The following NUF2 variants were observed in gnomAD, a reference collection of about 807,000 sequenced individuals.
NUF2 encodes NUF2 component of NDC80 kinetochore complex.
Under a neutral mutation model 61.8 loss-of-function variants are expected in NUF2, and 34 were observed. That is an observed-to-expected ratio of 0.55 (90% CI 0.42 to 0.73). The LOEUF (loss-of-function observed/expected upper bound fraction) is 0.73. NUF2 is among the 30% of genes least tolerant of loss of function. The probability of loss-of-function intolerance (pLI) is 0.00; values close to 1 mark genes in which losing one functional copy is unlikely to be tolerated. For synonymous variants in NUF2, 172 were observed against 181.6 expected (o/e 0.95, Z 0.42); for missense variants, 445 against 539.1 (o/e 0.83, Z 1.73).
chr1:163,338,227 T>C (rs953140077), intron 7 of NUF2, 134 bp downstream of exon 7: 3 of 471,322 alleles, frequency 6.4e-6, no homozygotes, highest in Non-Finnish European at 7.3e-6. Context: ...TATTTGAGTT[T>C]GCCTTTTCTT....
At chr1:163,327,982 G>T in intron 3 of NUF2, 1 of 403,472 alleles carries the variant, frequency 2.5e-6, no homozygotes, top group Non-Finnish European at 4.4e-6. Flanking sequence ...CAAATTATTT[G>T]CATAATACCT....
chr1:163,345,090 A>T (rs1056635007), intron 10 of NUF2, among the ~76,000 whole-genome samples: 3 of 152,166 alleles, frequency 2.0e-5, no homozygotes, highest in African/African-American at 7.2e-5. Flanking sequence ...TACGGTGCAT[A>T]TGACAGGTAG....
At chr1:163,341,842 C>A (rs1650957403) in intron 9 of NUF2, among the ~76,000 whole-genome samples, 1 of 152,058 alleles carries the variant, frequency 6.6e-6, no homozygotes, top group Admixed American at 6.5e-5. Flanking sequence ...GTTGGCCAGG[C>A]TGGTTTTGAA....
chr1:163,347,320 G>A (rs1651166490), intron 11 of NUF2, among the ~76,000 whole-genome samples: 1 of 152,212 alleles, frequency 6.6e-6, no homozygotes, highest in South Asian at 2.1e-4. Flanking sequence ...GAGATAAGTA[G>A]GGATTAGAAG....
At position 163,332,434 on chromosome 1, in the gene NUF2, A is replaced by C. The variant is rs537366728; in HGVS notation, c.337+3527A>C. ...TTGTTCACTATGGTGGCTGTAATAA[A>C]TCACCACAAACTTGGTGACTTAAGA... On this transcript the variant is annotated intron_variant, in intron 5 of 13. Coordinates refer to ENST00000271452, the MANE Select transcript of NUF2 (RefSeq NM_145697.3). Among the ~76,000 whole-genome samples, 12 of 152,294 alleles carry C rather than the reference A, an allele frequency of 7.9e-5. No individual in the cohort carries two copies. In the South Asian group the frequency reaches 1.5e-3, roughly 18 times the overall value.
At chr1:163,350,515 G>A (rs1427367614) in intron 13 of NUF2, among the ~76,000 whole-genome samples, 2 of 152,086 alleles carry the variant, frequency 1.3e-5, no homozygotes, top group African/African-American at 4.8e-5. Flanking sequence ...TGAGTTTTAT[G>A]CATATATGTC....
At chr1:163,327,617 T>C in intron 3 of NUF2, 55 bp downstream of exon 3, 1 of 1,158,242 alleles carries the variant, frequency 8.6e-7, no homozygotes, top group East Asian at 2.3e-5. Context: ...TTGTTTGTTT[T>C]GTTTTGCTGC....
chr1:163,339,631 T>TA (rs1230478109), intron 8 of NUF2, among the ~76,000 whole-genome samples, 154 bp downstream of exon 8: 1 of 152,138 alleles, frequency 6.6e-6, no homozygotes, highest in Non-Finnish European at 1.5e-5. Flanking sequence ...AATGGATACA[T>TA]ACTTCTCTCA....
intron 9 of NUF2, among the ~76,000 whole-genome samples, chr1:163,342,821 A>G (rs1220702413): frequency 6.6e-6 from 1 of 152,220 alleles, no homozygotes; most frequent in Non-Finnish European, 1.5e-5. Context: ...GCATACACAT[A>G]TAGAGGCACA....
At chr1:163,345,937 T>C (rs1651109700) in intron 11 of NUF2, 119 bp downstream of exon 11, 1 of 642,600 alleles carries the variant, frequency 1.6e-6, no homozygotes, top group Admixed American at 3.2e-5. Context: ...TTCTACAGTA[T>C]AATAGATGTG....
chr1:163,333,749 A>G (rs994239485), intron 5 of NUF2, among the ~76,000 whole-genome samples: 3 of 152,158 alleles, frequency 2.0e-5, no homozygotes, highest in Non-Finnish European at 4.4e-5. Context: ...TTTTACTTTT[A>G]CAGATATCAT....
chr1:163,351,881 G>A (rs1210088571), intron 13 of NUF2, among the ~76,000 whole-genome samples: 1 of 151,982 alleles, frequency 6.6e-6, no homozygotes, highest in Non-Finnish European at 1.5e-5. Context: ...TTCATTAAAT[G>A]TTCTTTCCCA....
Position 163,355,420 on chromosome 1 carries a change from A to C in NUF2, c.1346A>C (p.Asp449Ala). The C allele has an allele frequency of 1.9e-6, 3 of 1,607,888 alleles. No individual in the cohort carries two copies. The highest frequency in any genetic ancestry group is 1.7e-6 in the Non-Finnish European group (2 of 1,176,646). ...KAAEDSYAKI[D>A]EKTAELKRKM... ...GCAGAGGACTCCTATGCTAAGATAG[A>C]TGAGAAGACAGCTGAACTGAAGAGG... The change falls in exon 14 of 14, where the codon GAT (aspartate) becomes GCT (alanine). Residue 449 changes from aspartate (D) to alanine (A), a missense_variant. Physicochemically the swap from Asp to Ala is moderately radical, Grantham distance 126. Coordinates refer to ENST00000271452, the MANE Select transcript of NUF2 (RefSeq NM_145697.3).
chr1:163,350,772 C>T (rs905519884), intron 13 of NUF2, among the ~76,000 whole-genome samples: 2 of 96,496 alleles, frequency 2.1e-5, no homozygotes, highest in Non-Finnish European at 5.0e-5. Context: ...CAATGGGGCC[C>T]ATGAAATGTG....
chr1:163,336,760 G>A lies in NUF2; in HGVS notation c.347G>A (p.Arg116Gln), dbSNP rs201079271. 1.0e-4 allele frequency: 168 copies of A among 1,607,984 alleles called. No homozygotes were observed. The highest frequency in any genetic ancestry group is 9.2e-4 in the Admixed American group (55 of 59,930). The part of the protein sequence containing the change: ...TADILCPKAK[R>Q]TSRFLSGIIN... ...TTGCTTTCTATTTTAGAAGCAAAACGGACAAGTCGGTTTTTAAGTGGCATT... is the reference window on the plus strand; with the variant it reads ...TTGCTTTCTATTTTAGAAGCAAAACAGACAAGTCGGTTTTTAAGTGGCATT... Residue 116 changes from arginine (R) to glutamine (Q), a missense_variant, in exon 6 of 14, where the codon CGG (arginine) becomes CAG (glutamine). Physicochemically the swap from Arg to Gln is conservative, Grantham distance 43. Coordinates refer to ENST00000271452, the MANE Select transcript of NUF2 (RefSeq NM_145697.3).
rs374285371 is a variant in NUF2, at chr1:163,339,467, A to C, written c.596A>C (p.His199Pro). The change falls in exon 8 of 14, where the codon CAT (histidine) becomes CCT (proline). Residue 199 changes from histidine to proline, a missense_variant. Transcript: ENST00000271452. ...CAACAATCACTAAATCAGGATTTTC[A>C]TCAAAAAACGGTATCTGTTGTGAGG... ...ELQQSLNQDF[H>P]QKTIVLQEGN... 2.1e-5 allele frequency: 33 copies of C among 1,606,978 alleles called. No homozygotes were observed. The highest frequency in any genetic ancestry group is 2.7e-5 in the African/African-American group (2 of 74,790).
At chr1:163,350,942 T>C (rs1351780681) in intron 13 of NUF2, among the ~76,000 whole-genome samples, 1 of 152,198 alleles carries the variant, frequency 6.6e-6, no homozygotes, top group African/African-American at 2.4e-5. Context: ...TTTATTTCTG[T>C]ACTCTATAGT....
At position 163,336,886 on chromosome 1, in the gene NUF2, C is replaced by G. The variant is rs573999775; in HGVS notation, c.435+38C>G. On this transcript the variant is annotated intron_variant, in intron 6 of 13. Coordinates refer to ENST00000271452, the MANE Select transcript of NUF2 (RefSeq NM_145697.3). ...TATGTTTTGGGGTTACATGCCAGATCAGTAACATTATTTATGAACTTATAA... is the reference window on the plus strand; with the variant it reads ...TATGTTTTGGGGTTACATGCCAGATGAGTAACATTATTTATGAACTTATAA... 3 of 1,209,970 alleles carry G rather than the reference C, an allele frequency of 2.5e-6. No homozygotes were observed. The African/African-American group carries it at 4.5e-5, about 18-fold the overall frequency. The allele number at this position is 1,209,970 out of a possible 1,614,324, so 75.0% of individuals were successfully genotyped here. A position where few individuals can be genotyped will look rare whatever the true frequency, so the allele number is the denominator to read the frequency against.
chr1:163,329,167 A>G (rs1410186049), intron 5 of NUF2, among the ~76,000 whole-genome samples: 3 of 152,096 alleles, frequency 2.0e-5, no homozygotes, highest in African/African-American at 7.2e-5. Flanking sequence ...AAATTTGGGA[A>G]TATGACTACA....
Sources: allele counts gnomAD v4.1 joint callset (sites outside exome capture counted in the v4.1 genomes callset), GRCh38; gene constraint gnomAD v4.1.1; transcripts MANE v1.5; gene names NCBI Gene and HGNC (gene_info 2026-07-23, HGNC 2026-07-21).